EPHA5: variants seen among roughly 807,000 people sequenced by gnomAD.
The protein encoded by EPHA5 is EPH receptor A5.
A neutral mutation model predicts 105.0 loss-of-function variants in EPHA5; 60 were observed. That is an observed-to-expected ratio of 0.57 (90% CI 0.46 to 0.71). EPHA5 has a LOEUF of 0.71. Ranked by LOEUF, EPHA5 falls within the 30% of genes least tolerant of loss-of-function variation. The pLI is 0.00. For missense variants in EPHA5, 1,218 were observed against 1,274.7 expected (o/e 0.96, Z 0.68); for synonymous variants, 513 against 449.1 (o/e 1.14, Z -1.80).
intron 3 of EPHA5, among the ~76,000 whole-genome samples, chr4:65,522,580 T>C (rs1734858978): frequency 1.3e-5 from 2 of 151,916 alleles, no homozygotes; most frequent in Admixed American, 1.3e-4. Flanking sequence ...AACAGGTTTA[T>C]AGTGTCACCC....
At chr4:65,327,448 A>G (rs552967644) in intron 16 of EPHA5, among the ~76,000 whole-genome samples, 1 of 151,350 alleles carries the variant, frequency 6.6e-6, no homozygotes, top group South Asian at 2.1e-4. Flanking sequence ...CCAGCGGAGA[A>G]ATGGAATTAC....
intron 2 of EPHA5, among the ~76,000 whole-genome samples, chr4:65,632,828 G>C (rs1470996464): frequency 6.6e-6 from 1 of 151,884 alleles, no homozygotes; most frequent in African/African-American, 2.4e-5. Context: ...GTAATGAGAG[G>C]TTTCATGTTG....
At chr4:65,625,834 G>A (rs1016594086) in intron 2 of EPHA5, among the ~76,000 whole-genome samples, 25 of 152,150 alleles carry the variant, frequency 1.6e-4, no homozygotes, top group African/African-American at 5.8e-4. Context: ...ATGCGCGGCC[G>A]GGCGCGGTGA....
intron 3 of EPHA5, among the ~76,000 whole-genome samples, chr4:65,498,869 T>C (rs4365778): frequency 0.61 from 92,437 of 151,478 alleles, 29,845 homozygotes; most frequent in East Asian, 0.83. Context: ...TCATAAACTG[T>C]AATTATTCAT....
intron 2 of EPHA5, among the ~76,000 whole-genome samples, chr4:65,606,886 C>G (rs1442550291): frequency 2.6e-5 from 4 of 152,118 alleles, no homozygotes; most frequent in African/African-American, 9.7e-5. Flanking sequence ...TTGCCTGCAG[C>G]TTTACTCTGA....
At chr4:65,434,013 C>T (rs1244158709) in intron 5 of EPHA5, among the ~76,000 whole-genome samples, 1 of 152,080 alleles carries the variant, frequency 6.6e-6, no homozygotes, top group African/African-American at 2.4e-5. Context: ...CGAAATCGTG[C>T]CACTGCACCC....
chr4:65,328,457 C>A (rs941259525), intron 16 of EPHA5, among the ~76,000 whole-genome samples: 17 of 151,332 alleles, frequency 1.1e-4, no homozygotes, highest in African/African-American at 3.9e-4. Context: ...ATTAATCTAT[C>A]TACAGATGAT....
rs1721155273 is a variant in EPHA5, at chr4:65,336,095, G to A, written c.2626C>T (p.Leu876=). ...VIKAVEEGYR[L]PSPMDCPAAL... is the part of the protein sequence containing the mutation. ...GCAGGACAATCCATGGGGCTTGGCA[G>A]ACGATAGCCTTCCTCTACCGCTTTA... The change falls in exon 15 of 17, where the codon CTG becomes TTG. Residue 876 remains leucine (L), a synonymous_variant. Coordinates refer to ENST00000613740, the MANE Select transcript of EPHA5 (RefSeq NM_001281766.3). 1.2e-6 allele frequency: 2 copies of A among 1,611,164 alleles called. No individual in the cohort carries two copies. Among genetic ancestry groups the A allele is most frequent in the African/African-American group, 1.3e-5 (1 of 74,690 alleles).
At chr4:65,360,931 CAT>C (rs774757278) in intron 11 of EPHA5, among the ~76,000 whole-genome samples, 52 of 151,460 alleles carry the variant, frequency 3.4e-4, no homozygotes, top group African/African-American at 9.7e-4. Context: ...GGTGATAAAA[CAT>C]GTGCAGATTT....
intron 1 of EPHA5, among the ~76,000 whole-genome samples, chr4:65,650,237 G>A (rs1249677877): frequency 6.6e-6 from 1 of 152,000 alleles, no homozygotes; most frequent in Non-Finnish European, 1.5e-5. Context: ...CTAGTTCAAC[G>A]AGTGCAATGC....
chr4:65,566,368 T>C (rs1410680589), intron 3 of EPHA5, among the ~76,000 whole-genome samples: 2 of 151,722 alleles, frequency 1.3e-5, no homozygotes, highest in African/African-American at 2.4e-5. Flanking sequence ...ATCACACAAA[T>C]TGACACCTCA....
At chr4:65,433,126 G>T (rs770912133) in intron 5 of EPHA5, among the ~76,000 whole-genome samples, 3 of 152,026 alleles carry the variant, frequency 2.0e-5, no homozygotes, top group Non-Finnish European at 4.4e-5. Context: ...TAAAATTTTC[G>T]AGTGCTGAAG....
At chr4:65,630,353 A>G (rs759283690) in intron 2 of EPHA5, among the ~76,000 whole-genome samples, 2 of 152,156 alleles carry the variant, frequency 1.3e-5, no homozygotes, top group Non-Finnish European at 2.9e-5. Context: ...TCCACTGGCA[A>G]GGCAAGAATG....
At chr4:65,626,258 G>A (rs1033524831) in intron 2 of EPHA5, among the ~76,000 whole-genome samples, 1 of 152,082 alleles carries the variant, frequency 6.6e-6, no homozygotes, top group Non-Finnish European at 1.5e-5. Flanking sequence ...AGAACAAAAT[G>A]TAATAATTTA....
intron 9 of EPHA5, among the ~76,000 whole-genome samples, 157 bp from the exon 10 acceptor site, chr4:65,366,214 C>T (rs145038907): frequency 2.3e-3 from 353 of 151,850 alleles, no homozygotes; most frequent in Middle Eastern, 6.8e-3. Flanking sequence ...GTTTGTACAA[C>T]TATATCAGTT....
At chr4:65,537,577 T>G (rs1736407335) in intron 3 of EPHA5, among the ~76,000 whole-genome samples, 1 of 151,750 alleles carries the variant, frequency 6.6e-6, no homozygotes, top group Non-Finnish European at 1.5e-5. Flanking sequence ...TTTCCTACTT[T>G]TATCCTATTA....
At chr4:65,350,587 T>C (rs1053159754) in intron 13 of EPHA5, among the ~76,000 whole-genome samples, 1 of 152,080 alleles carries the variant, frequency 6.6e-6, no homozygotes, top group Non-Finnish European at 1.5e-5. Flanking sequence ...TATTTAGAAT[T>C]AAGCAAATAT....
intron 13 of EPHA5, among the ~76,000 whole-genome samples, chr4:65,348,852 G>A (rs1344759917): frequency 9.4e-6 from 1 of 106,534 alleles, no homozygotes; most frequent in Non-Finnish European, 1.7e-5. Flanking sequence ...GTCTCGCTCT[G>A]TCTCCTAGGC....
At chr4:65,396,643 T>C (rs1213628983) in intron 8 of EPHA5, among the ~76,000 whole-genome samples, 1 of 152,176 alleles carries the variant, frequency 6.6e-6, no homozygotes, top group Admixed American at 6.5e-5. Context: ...GGACTAGGAC[T>C]AAGCCTTTCA....
Sources: allele counts gnomAD v4.1 joint callset (sites outside exome capture counted in the v4.1 genomes callset), GRCh38; gene constraint gnomAD v4.1.1; transcripts MANE v1.5; gene names NCBI Gene and HGNC (gene_info 2026-07-23, HGNC 2026-07-21).